Variants in RAD54L2 observed in about 807,000 individuals in gnomAD.
RAD54L2 encodes RAD54 like 2, also known as helicase ARIP4.
In RAD54L2, 27 loss-of-function variants were observed where a neutral mutation model predicts 138.4. The ratio of observed to expected loss-of-function variants is 0.20; its 90% CI spans 0.14 to 0.27. RAD54L2 has a LOEUF of 0.27. Ranked by LOEUF, RAD54L2 falls within the 10% of genes least tolerant of loss-of-function variation. The pLI, the probability that RAD54L2 is intolerant of heterozygous loss-of-function variation, is 1.00. For synonymous variants in RAD54L2, 644 were observed against 723.2 expected (o/e 0.89, Z 1.76); for missense variants, 1,396 against 1,890.2 (o/e 0.74, Z 4.85).
chr3:51,555,440 C>G (rs906182899), intron 2 of RAD54L2, among the ~76,000 whole-genome samples: 2 of 151,664 alleles, frequency 1.3e-5, no homozygotes, highest in Non-Finnish European at 2.9e-5. Context: ...TGGTGAAACC[C>G]TGTCTCTACA....
intron 3 of RAD54L2, among the ~76,000 whole-genome samples, chr3:51,607,740 T>C (rs1421963748): frequency 8.1e-4 from 65 of 80,708 alleles, no homozygotes; most frequent in East Asian, 2.1e-3. Flanking sequence ...AGGGGCTCCT[T>C]ACTTCCCAGA....
chr3:51,641,968 A>G (rs1175746831), intron 15 of RAD54L2, 101 bp downstream of exon 15: 3 of 847,146 alleles, frequency 3.5e-6, no homozygotes. Context: ...TCAAATGCAT[A>G]GGAATATTTG....
At chr3:51,552,561 CTTTTTT>C (rs58505964) in intron 2 of RAD54L2, among the ~76,000 whole-genome samples, 6,691 of 106,572 alleles carry the variant, frequency 0.063, 563 homozygotes, top group East Asian at 0.31. Flanking sequence ...TGCGCCTGGC[CTTTTTT>C]TTTTTTTTTT....
At chr3:51,626,278 G>A (rs1338351433) in intron 3 of RAD54L2, among the ~76,000 whole-genome samples, 1 of 151,622 alleles carries the variant, frequency 6.6e-6, no homozygotes, top group Non-Finnish European at 1.5e-5. Flanking sequence ...TTGGGGACAG[G>A]CTTGTGGTCT....
At chr3:51,617,230 A>C (rs1442945700) in intron 3 of RAD54L2, among the ~76,000 whole-genome samples, 1 of 152,138 alleles carries the variant, frequency 6.6e-6, no homozygotes, top group Non-Finnish European at 1.5e-5. Flanking sequence ...CGTTTCTCTT[A>C]GATAAAATAC....
At chr3:51,659,996 TCTAA>T (rs1288774814) in intron 21 of RAD54L2, 26 bp from the exon 22 acceptor site, 1 of 1,539,198 alleles carries the variant, frequency 6.5e-7, no homozygotes, top group African/African-American at 1.4e-5. Flanking sequence ...TATGTCTGCC[TCTAA>T]CTGTCTTCTT....
rs1315538765 is a variant in RAD54L2, at chr3:51,637,137, C to T, written c.1340-24C>T. Reference sequence around the variant, plus strand: ...AAGAGCAGGCCCTGTCACCCTCTGACTCCGGATCCTCTTCCCTCCCTAGAG... The same window carrying T: ...AAGAGCAGGCCCTGTCACCCTCTGATTCCGGATCCTCTTCCCTCCCTAGAG... On this transcript the variant is annotated intron_variant, in intron 10 of 22. Transcript: ENST00000684192. This position sits in a 1 kb window ranked among gnomAD's most constrained non-coding sequence, Gnocchi z 5.9. The T allele has an allele frequency of 6.4e-7, 1 of 1,553,922 alleles. No homozygotes were observed. Among genetic ancestry groups the T allele is most frequent in the Non-Finnish European group, 8.7e-7 (1 of 1,146,666 alleles).
chr3:51,636,044 CCT>C (rs1426559728), intron 10 of RAD54L2, among the ~76,000 whole-genome samples: 2 of 152,098 alleles, frequency 1.3e-5, no homozygotes, highest in East Asian at 1.9e-4. Context: ...TTCGTCTATC[CCT>C]GTTTCTCTTA....
chr3:51,548,904 G>A (rs547661675), intron 2 of RAD54L2, among the ~76,000 whole-genome samples: 78 of 142,614 alleles, frequency 5.5e-4, no homozygotes, highest in Non-Finnish European at 8.3e-4. Context: ...TCCGCTCACT[G>A]CAACCTCCGC....
chr3:51,541,289 T>C (rs1385951536), intron 1 of RAD54L2: 1 of 152,220 alleles, frequency 6.6e-6, no homozygotes, highest in Non-Finnish European at 1.5e-5. Flanking sequence ...TATAATGTAT[T>C]AATTTTGACT....
At chr3:51,657,893 C>G (rs1701646066) in intron 21 of RAD54L2, among the ~76,000 whole-genome samples, 1 of 149,498 alleles carries the variant, frequency 6.7e-6, no homozygotes, top group South Asian at 2.1e-4. Context: ...AATTAGGGTC[C>G]CTACATTTCT....
chr3:51,621,228 C>T (rs1269494119), intron 3 of RAD54L2, among the ~76,000 whole-genome samples: 2 of 152,160 alleles, frequency 1.3e-5, no homozygotes, highest in African/African-American at 2.4e-5. Flanking sequence ...AATATTAGCA[C>T]ATCTGTAAAC....
chr3:51,641,317 C>CCTT (rs1701129573), intron 14 of RAD54L2, among the ~76,000 whole-genome samples: 1 of 129,678 alleles, frequency 7.7e-6, no homozygotes, highest in African/African-American at 2.9e-5. Flanking sequence ...GAGTTACCCC[C>CCTT]TTTTTTTTTT....
At chr3:51,653,156 G>A (rs554028773) in intron 19 of RAD54L2, among the ~76,000 whole-genome samples, 2 of 152,276 alleles carry the variant, frequency 1.3e-5, no homozygotes, top group South Asian at 4.1e-4. Context: ...AGACATTTAG[G>A]CAGCCAACAG....
intron 3 of RAD54L2, among the ~76,000 whole-genome samples, chr3:51,602,269 C>T (rs1013661473): frequency 5.9e-5 from 9 of 152,058 alleles, no homozygotes; most frequent in South Asian, 2.1e-4. Flanking sequence ...TAATGAATTC[C>T]GTCAGACTAC....
chr3:51,541,208 T>C (rs1227566846), intron 1 of RAD54L2: 1 of 152,198 alleles, frequency 6.6e-6, no homozygotes, highest in African/African-American at 2.4e-5. Flanking sequence ...GAGGTGGTTA[T>C]AGGTCTATGA....
intron 2 of RAD54L2, among the ~76,000 whole-genome samples, chr3:51,542,429 T>A (rs1288808275): frequency 6.6e-6 from 1 of 151,262 alleles, no homozygotes; most frequent in Non-Finnish European, 1.5e-5. Context: ...TCTGGACAGG[T>A]GAGGAAATTT....
chr3:51,553,513 G>A (rs1698894468), intron 2 of RAD54L2, among the ~76,000 whole-genome samples: 1 of 152,060 alleles, frequency 6.6e-6, no homozygotes, highest in Non-Finnish European at 1.5e-5. Context: ...ACATTTTTTG[G>A]TTTCCCAGTA....
intron 1 of RAD54L2, among the ~76,000 whole-genome samples, chr3:51,540,124 G>A (rs112532354): frequency 0.016 from 2,383 of 152,214 alleles, 56 homozygotes; most frequent in African/African-American, 0.054. Flanking sequence ...AGTTCCAGGC[G>A]TTTTCAGTCC....
Sources: gnomAD v4.1 joint callset for allele counts (sites outside exome capture counted in the v4.1 genomes callset) on GRCh38, gnomAD v4.1.1 for gene constraint, Gnocchi (gnomAD v3.1) non-coding constraint, MANE v1.5 for transcripts, NCBI Gene and HGNC (gene_info 2026-07-23, HGNC 2026-07-21) for gene names.